VPS54: variants seen among roughly 807,000 people sequenced by gnomAD.
VPS54 encodes VPS54 subunit of GARP complex, also known as vacuolar protein sorting-associated protein 54.
In VPS54, 45 loss-of-function variants were observed where a neutral mutation model predicts 121.5. The ratio of observed to expected loss-of-function variants is 0.37; its 90% confidence interval spans 0.29 to 0.47. The LOEUF (loss-of-function observed/expected upper bound fraction) is 0.47, where lower values mean the gene tolerates loss of function less well. VPS54 is among the 20% of genes least tolerant of loss of function. The pLI is 0.99. For missense variants in VPS54, 1,090 were observed against 1,131.4 expected (o/e 0.96, Z 0.52); for synonymous variants, 371 against 385.8 (o/e 0.96, Z 0.45).
intron 21 of VPS54, among the ~76,000 whole-genome samples, chr2:63,899,113 A>T (rs1672561967): frequency 6.6e-6 from 1 of 152,210 alleles, no homozygotes; most frequent in Admixed American, 6.5e-5. Context: ...TCCAATTTGA[A>T]TTACAATCAC....
intron 3 of VPS54, among the ~76,000 whole-genome samples, chr2:63,974,308 T>A (rs1288225250): frequency 1.3e-5 from 2 of 152,248 alleles, no homozygotes; most frequent in Non-Finnish European, 2.9e-5. Flanking sequence ...CTGACCCATA[T>A]GTCTGTTCTT....
At chr2:63,981,559 T>C (rs886647407) in intron 3 of VPS54, 87 bp downstream of exon 3, 35 of 1,424,854 alleles carry the variant, frequency 2.5e-5, no homozygotes, top group Non-Finnish European at 3.1e-5. Context: ...TCATCAAACA[T>C]TACTGGTCAA....
At chr2:63,959,609 G>A (rs562467289) in intron 7 of VPS54, among the ~76,000 whole-genome samples, 5 of 152,282 alleles carry the variant, frequency 3.3e-5, no homozygotes, top group South Asian at 2.1e-4. Flanking sequence ...ATTTTTGGCC[G>A]AGCATGGTGG....
chr2:64,016,046 T>C (rs760326395), intron 1 of VPS54, among the ~76,000 whole-genome samples: 1 of 152,224 alleles, frequency 6.6e-6, no homozygotes, highest in Non-Finnish European at 1.5e-5. Context: ...GAGCCACACA[T>C]CCTAGAGATT....
intron 5 of VPS54, among the ~76,000 whole-genome samples, chr2:63,968,352 G>A (rs1276370924): frequency 2.0e-5 from 3 of 148,910 alleles, no homozygotes; most frequent in Non-Finnish European, 3.0e-5. Context: ...ATGCAAAAGA[G>A]AAAAAACACC....
intron 10 of VPS54, among the ~76,000 whole-genome samples, chr2:63,943,807 C>G (rs1674850515): frequency 6.7e-6 from 1 of 149,708 alleles, no homozygotes; most frequent in South Asian, 2.1e-4. Flanking sequence ...TCACTGAAGC[C>G]TGGACCTCCC....
At chr2:63,901,682 C>G (rs1005767957) in intron 20 of VPS54, among the ~76,000 whole-genome samples, 1 of 152,130 alleles carries the variant, frequency 6.6e-6, no homozygotes, top group Non-Finnish European at 1.5e-5. Context: ...GCACCAAACT[C>G]TCACCACTGG....
chr2:63,964,542 G>A (rs1301155126), intron 6 of VPS54, among the ~76,000 whole-genome samples: 2 of 152,128 alleles, frequency 1.3e-5, no homozygotes, highest in East Asian at 3.8e-4. Flanking sequence ...CCTGTGTCAT[G>A]AGCAAGCCTG....
intron 1 of VPS54, among the ~76,000 whole-genome samples, chr2:64,009,956 C>G (rs1678351912): frequency 6.6e-6 from 1 of 151,804 alleles, no homozygotes; most frequent in Admixed American, 6.6e-5. Context: ...ATTCTCCTAC[C>G]TCAGCCTCCC....
chr2:63,920,966 CAT>C (rs1470410228), intron 13 of VPS54, among the ~76,000 whole-genome samples: 2 of 152,046 alleles, frequency 1.3e-5, no homozygotes, highest in Non-Finnish European at 1.5e-5. Context: ...TAGTTATTAA[CAT>C]ATATTTCAAA....
Position 63,947,385 on chromosome 2 carries a change from G to C in VPS54, c.1243C>G (p.Gln415Glu), listed in dbSNP as rs760607300. The change falls in exon 9 of 23, where the codon CAG (glutamine) becomes GAG (glutamate). Residue 415 changes from glutamine (Q) to glutamate (E), a missense_variant and splice_region_variant. Gln to Glu is a conservative substitution (Grantham distance 29). Transcript: ENST00000272322. ...GTCAAATAAAAATGCATAATTACCT[G>C]TTTAATGATATTCTTTGCTGTAATA... ...MVITAKNIIK[Q>E]CVINKVSQTE... The C allele has an allele frequency of 1.3e-6, 2 of 1,546,766 alleles. No homozygotes were observed. The highest frequency in any genetic ancestry group is 3.9e-5 in the Admixed American group (2 of 51,740).
At chr2:63,932,309 G>T in intron 12 of VPS54, among the ~76,000 whole-genome samples, 1 of 152,054 alleles carries the variant, frequency 6.6e-6, no homozygotes, top group East Asian at 1.9e-4. Context: ...CATATACACC[G>T]TGGAATACTA....
intron 1 of VPS54, among the ~76,000 whole-genome samples, chr2:63,989,915 C>G (rs1367663393): frequency 6.6e-6 from 1 of 152,172 alleles, no homozygotes; most frequent in African/African-American, 2.4e-5. Flanking sequence ...TATGGTCACT[C>G]TATTCAAGGC....
At chr2:63,911,946 A>G (rs1175211982) in intron 20 of VPS54, among the ~76,000 whole-genome samples, 1 of 152,226 alleles carries the variant, frequency 6.6e-6, no homozygotes, top group Non-Finnish European at 1.5e-5. Flanking sequence ...GCTTCATTTA[A>G]TGACATATTG....
At chr2:63,916,789 T>G in intron 16 of VPS54, 111 bp downstream of exon 16, 1 of 984,490 alleles carries the variant, frequency 1.0e-6, no homozygotes, top group East Asian at 2.5e-5. Flanking sequence ...AATCCAAATT[T>G]AACACTGTTA....
intron 20 of VPS54, among the ~76,000 whole-genome samples, chr2:63,907,449 C>T (rs1402698368): frequency 1.4e-5 from 2 of 147,824 alleles, no homozygotes; most frequent in Admixed American, 6.9e-5. Flanking sequence ...ACCCGGGAGG[C>T]GGAGGTTGCG....
At chr2:63,969,398 C>A (rs1046849392) in intron 4 of VPS54, among the ~76,000 whole-genome samples, 1 of 152,178 alleles carries the variant, frequency 6.6e-6, no homozygotes, top group Admixed American at 6.5e-5. Context: ...ACATTACCGT[C>A]TGAGCTCCAC....
intron 1 of VPS54, among the ~76,000 whole-genome samples, chr2:64,008,429 G>C (rs1339873080): frequency 6.8e-6 from 1 of 146,580 alleles, no homozygotes; most frequent in East Asian, 1.9e-4. Context: ...AAAAAAAAAG[G>C]AACAAGTAAG....
At chr2:63,906,040 A>AT (rs1672890340) in intron 20 of VPS54, among the ~76,000 whole-genome samples, 1 of 152,198 alleles carries the variant, frequency 6.6e-6, no homozygotes, top group Non-Finnish European at 1.5e-5. Flanking sequence ...CCTTAACCTG[A>AT]TAAAGGCCTC....
Sources: allele counts gnomAD v4.1 joint callset (sites outside exome capture counted in the v4.1 genomes callset), GRCh38; gene constraint gnomAD v4.1.1; transcripts MANE v1.5; gene names NCBI Gene and HGNC (gene_info 2026-07-23, HGNC 2026-07-21).